Variants in NAPEPLD observed in about 807,000 individuals in gnomAD.
The protein encoded by NAPEPLD is N-acyl phosphatidylethanolamine phospholipase D, also known as N-acyl-phosphatidylethanolamine-hydrolyzing phospholipase D.
A neutral mutation model predicts 38.1 loss-of-function variants in NAPEPLD; 23 were observed. The observed-to-expected ratio is 0.60, with a 90% CI of 0.43 to 0.86. The LOEUF (loss-of-function observed/expected upper bound fraction) is 0.86. Among genes scored for constraint, NAPEPLD ranks in the 40% least tolerant of loss-of-function variants. NAPEPLD has a pLI of 0.00. For missense variants in NAPEPLD, 411 were observed against 476.8 expected, an observed-to-expected ratio of 0.86 and a Z score of 1.28; for synonymous variants, 147 against 162.0, an observed-to-expected ratio of 0.91 and a Z score of 0.71.
At chr7:103,135,440 G>C (rs1187125553) in intron 1 of NAPEPLD, among the ~76,000 whole-genome samples, 1 of 152,190 alleles carries the variant, frequency 6.6e-6, no homozygotes, top group Non-Finnish European at 1.5e-5. Context: ...GAACCAGTGG[G>C]AGGGCAGATA....
chr7:103,131,782 A>G (rs948438023), intron 1 of NAPEPLD, among the ~76,000 whole-genome samples: 2 of 152,194 alleles, frequency 1.3e-5, no homozygotes, highest in Non-Finnish European at 2.9e-5. Flanking sequence ...GTTAGGCTAC[A>G]CTGCAAGCAA....
In NAPEPLD at chr7:103,128,555, GT is replaced by G; in HGVS notation, c.221del (p.Asn74ThrfsTer11). On this transcript the variant is annotated frameshift_variant, in exon 2 of 5. Coordinates refer to ENST00000465647, the MANE Select transcript of NAPEPLD (RefSeq NM_001122838.3). LOFTEE classifies it high-confidence loss of function. ...ATCTGAGAACATTTGGAATAGAGGG[GT>G]TTTTCCATGTTGGCCACGGATTCAC... ...RFVNPWPTWK[N>X]PSIPNVLRWL... is the part of the protein sequence containing the mutation. 1 of 1,614,198 alleles carries G rather than the reference GT, an allele frequency of 6.2e-7. No individual in the cohort carries two copies. The highest frequency in any genetic ancestry group is 8.5e-7 in the Non-Finnish European group (1 of 1,180,038).
chr7:103,105,930 C>T (rs1216183298), intron 4 of NAPEPLD, among the ~76,000 whole-genome samples: 1 of 84,534 alleles, frequency 1.2e-5, no homozygotes, highest in Non-Finnish European at 2.1e-5. Flanking sequence ...GAGACTCCGT[C>T]TCAAAAAAAA....
chr7:103,132,024 G>T (rs1197204257), intron 1 of NAPEPLD, among the ~76,000 whole-genome samples: 2 of 152,198 alleles, frequency 1.3e-5, no homozygotes, highest in Admixed American at 1.3e-4. Flanking sequence ...TGAGGCAGGA[G>T]AATTGCTTGA....
At position 103,137,183 on chromosome 7, in the gene NAPEPLD, C is replaced by T. The variant is rs184026769; in HGVS notation, c.-16-8391G>A. On this transcript the variant is annotated intron_variant, in intron 1 of 4. Coordinates refer to ENST00000465647, the MANE Select transcript of NAPEPLD (RefSeq NM_001122838.3). ...CAAACTCCTGACCTCGTGATCTGCC[C>T]GCATTGGCCTCCCAAAGTGCTGGGG... is the stretch of plus-strand genomic sequence containing the variant. Among the ~76,000 whole-genome samples, 554 of 152,310 alleles carry T rather than the reference C, an allele frequency of 3.6e-3. 3 individuals carry two copies. The highest frequency in any genetic ancestry group is 0.013 in the African/African-American group (524 of 41,566).
At chr7:103,145,118 C>T (rs1812272209) in intron 1 of NAPEPLD, among the ~76,000 whole-genome samples, 1 of 151,934 alleles carries the variant, frequency 6.6e-6, no homozygotes, top group Non-Finnish European at 1.5e-5. Context: ...GTCATATCTT[C>T]AAAAAAATTT....
intron 2 of NAPEPLD, among the ~76,000 whole-genome samples, chr7:103,122,760 C>T (rs1195508796): frequency 1.3e-5 from 2 of 152,172 alleles, no homozygotes; most frequent in South Asian, 2.1e-4. Context: ...TTTGCATTTC[C>T]GTGGAGCTAC....
Position 103,149,083 on chromosome 7 carries a change from C to G in NAPEPLD, c.-289G>C. 1.0e-6 allele frequency: 1 copy of G among 985,548 alleles called. No homozygotes were observed. The highest frequency in any genetic ancestry group is 1.2e-6 in the Non-Finnish European group (1 of 830,048). The allele number at this position is 985,548 out of a possible 1,614,324, so 61.1% of individuals were successfully genotyped here. A position where few individuals can be genotyped will look rare whatever the true frequency, so the allele number is the denominator to read the frequency against. The stretch of plus-strand genomic sequence containing the variant: ...ACTTCGCCGAAGAATTCCAAACCAC[C>G]CCAGGCTCAGCAGTGTGGATTGCTC... On this transcript the variant is annotated 5_prime_UTR_variant, in exon 1 of 5. Transcript: ENST00000465647.
At chr7:103,149,404 A>G, upstream of NAPEPLD, 2 of 1,224,138 alleles carry the variant, frequency 1.6e-6, no homozygotes, top group East Asian at 1.6e-4. Context: ...GGTTCTTCCT[A>G]ACCCGAGCCC....
At chr7:103,139,584 A>G (rs1810792358) in intron 1 of NAPEPLD, among the ~76,000 whole-genome samples, 1 of 152,210 alleles carries the variant, frequency 6.6e-6, no homozygotes, top group Admixed American at 6.5e-5. Context: ...CAACAAGTTA[A>G]AGGGCGCTGA....
chr7:103,149,239 G>C (rs1813244800), upstream of NAPEPLD: 4 of 995,706 alleles, frequency 4.0e-6, no homozygotes, highest in Admixed American at 1.8e-4. Flanking sequence ...CGGGCGCGCG[G>C]CCAGAGCGGC....
intron 3 of NAPEPLD, among the ~76,000 whole-genome samples, chr7:103,116,122 C>T (rs1386306549): frequency 6.6e-6 from 1 of 151,980 alleles, no homozygotes; most frequent in Admixed American, 6.6e-5. Flanking sequence ...AGTGCAGTGC[C>T]GCGATCCCAG....
At chr7:103,148,765 T>C (rs901411898) in intron 1 of NAPEPLD, 46 bp downstream of exon 1, 41 of 968,266 alleles carry the variant, frequency 4.2e-5, no homozygotes, top group African/African-American at 2.3e-4. Context: ...TCGGAGGAAG[T>C]TGTCGACCCA....
At chr7:103,140,163 C>T (rs1277107453) in intron 1 of NAPEPLD, among the ~76,000 whole-genome samples, 1 of 152,122 alleles carries the variant, frequency 6.6e-6, no homozygotes, top group East Asian at 1.9e-4. Context: ...GCACACAGTA[C>T]ATAGTAAGCA....
intron 2 of NAPEPLD, 59 bp downstream of exon 2, chr7:103,128,424 T>C: frequency 1.3e-6 from 2 of 1,576,632 alleles, no homozygotes; most frequent in Non-Finnish European, 1.7e-6. Context: ...AGGGCTCAAA[T>C]AACTAGAGTG....
intron 1 of NAPEPLD, chr7:103,141,525 T>C (rs940985958): frequency 1.0e-5 from 15 of 1,439,248 alleles, no homozygotes; most frequent in African/African-American, 1.4e-5. Context: ...ATGTGTTCCA[T>C]GAGAATCTGC....
Position 103,103,297 on chromosome 7 carries a change from A to G in NAPEPLD, c.*132T>C, listed in dbSNP as rs1802654397. 5 of 1,143,332 alleles carry G rather than the reference A, an allele frequency of 4.4e-6. No homozygotes were observed. The Admixed American group carries it at 1.4e-4, about 31-fold the overall frequency. 70.8% of individuals were successfully genotyped at this position (1,143,332 alleles called of 1,614,324 possible). On this transcript the variant is annotated 3_prime_UTR_variant, in exon 5 of 5. Transcript: ENST00000465647. ...TAGGAAGCAAGTTATTACACAAAAC[A>G]TAAAACATAAACTTGCAGAAGTTGT...
At chr7:103,126,621 T>G (rs905968799) in intron 2 of NAPEPLD, among the ~76,000 whole-genome samples, 1 of 152,000 alleles carries the variant, frequency 6.6e-6, no homozygotes, top group Non-Finnish European at 1.5e-5. Context: ...TTGTTTTGTT[T>G]TTTGAGACAG....
intron 1 of NAPEPLD, among the ~76,000 whole-genome samples, chr7:103,142,168 T>C (rs1811539507): frequency 6.6e-6 from 1 of 152,206 alleles, no homozygotes; most frequent in Admixed American, 6.5e-5. Context: ...GATTTTCTGG[T>C]ATGCCAGAAT....
Sources: gnomAD v4.1 joint callset for allele counts (sites outside exome capture counted in the v4.1 genomes callset) on GRCh38, gnomAD v4.1.1 for gene constraint, MANE v1.5 for transcripts, NCBI Gene and HGNC (gene_info 2026-07-23, HGNC 2026-07-21) for gene names.